RBFOX2: variants seen among roughly 807,000 people sequenced by gnomAD.
The protein encoded by RBFOX2 is RNA binding protein fox-1 homolog 2.
RBFOX2 carries 10 observed loss-of-function variants against 49.1 expected under a neutral mutation model. The observed-to-expected ratio is 0.20, with a 90% CI of 0.13 to 0.35. The LOEUF (loss-of-function observed/expected upper bound fraction) is 0.35. Among genes scored for constraint, RBFOX2 ranks in the 10% least tolerant of loss-of-function variants. RBFOX2 has a pLI of 1.00. For missense variants in RBFOX2, 323 were observed against 486.9 expected (o/e 0.66, Z 3.17); for synonymous variants, 183 against 187.4 (o/e 0.98, Z 0.19).
chr22:35,882,694 G>T (rs887845861), intron 1 of RBFOX2, among the ~76,000 whole-genome samples: 2 of 152,156 alleles, frequency 1.3e-5, no homozygotes, highest in East Asian at 3.9e-4. Context: ...ATATAGGAAT[G>T]CAAATGCTTC....
intron 9 of RBFOX2, among the ~76,000 whole-genome samples, chr22:35,757,357 G>A (rs1301836196): frequency 1.3e-5 from 2 of 152,046 alleles, no homozygotes. Context: ...AAAGGACATG[G>A]AATAGCAGTA....
At chr22:35,849,298 A>AACACACACACACACACACACACAC (rs61515031) in intron 1 of RBFOX2, among the ~76,000 whole-genome samples, 23 of 133,340 alleles carry the variant, frequency 1.7e-4, no homozygotes, top group Non-Finnish European at 2.8e-4. Flanking sequence ...TACACACACA[A>AACACACACACACACACACACACAC]ACACACACAC....
rs1002367070 is a variant in RBFOX2 at position 35,835,201 on chromosome 22, A to G, written c.27+4991T>C. On this transcript the variant is annotated intron_variant, in intron 1 of 11. Transcript: ENST00000405409. Reference sequence around the variant, plus strand: ...TTGACAGTGGTTTGGAAATGTTGAAAAAAAAGAGTGAGGAATTATGACTTC... The same window carrying G: ...TTGACAGTGGTTTGGAAATGTTGAAGAAAAAGAGTGAGGAATTATGACTTC... Among the ~76,000 whole-genome samples the G allele has an allele frequency of 2.6e-5, 4 of 152,330 alleles. No individual in the cohort carries two copies. In the South Asian group the frequency reaches 8.3e-4, roughly 32 times the overall value.
chr22:35,877,616 A>C (rs1468905922), intron 1 of RBFOX2, among the ~76,000 whole-genome samples: 1 of 152,190 alleles, frequency 6.6e-6, no homozygotes, highest in East Asian at 1.9e-4. Flanking sequence ...ACCCTCTGTG[A>C]TAGATATTAT....
intron 3 of RBFOX2, among the ~76,000 whole-genome samples, chr22:35,780,025 C>G (rs1944781319): frequency 1.3e-5 from 2 of 152,140 alleles, no homozygotes; most frequent in Non-Finnish European, 2.9e-5. Flanking sequence ...AGTAGAGAAC[C>G]TAATAACTCA....
chr22:35,978,166 C>G (rs1409155167), intron 1 of RBFOX2, among the ~76,000 whole-genome samples: 1 of 152,018 alleles, frequency 6.6e-6, no homozygotes, highest in Non-Finnish European at 1.5e-5. Flanking sequence ...AAGTTTTTCC[C>G]TACTGGAGAA....
At chr22:35,840,352 T>G in exon 1 of RBFOX2, 4 of 1,552,750 alleles carry the variant, frequency 2.6e-6, no homozygotes, top group Non-Finnish European at 1.7e-6. Flanking sequence ...TTATACCGTT[T>G]TCCTTCCTTT....
At chr22:35,772,667 T>C (rs1388154272) in intron 4 of RBFOX2, among the ~76,000 whole-genome samples, 1 of 152,136 alleles carries the variant, frequency 6.6e-6, no homozygotes, top group Non-Finnish European at 1.5e-5. Flanking sequence ...TTACCAGGTA[T>C]CTTAGCTGAC....
chr22:35,795,189 T>C (rs918490166), intron 2 of RBFOX2, among the ~76,000 whole-genome samples: 1 of 152,116 alleles, frequency 6.6e-6, no homozygotes, highest in African/African-American at 2.4e-5. Flanking sequence ...TAAGGGTAAA[T>C]TGATACAGGA....
intron 4 of RBFOX2, among the ~76,000 whole-genome samples, chr22:35,771,595 G>C (rs1256457821): frequency 6.6e-6 from 1 of 152,168 alleles, no homozygotes; most frequent in African/African-American, 2.4e-5. Flanking sequence ...TAGAATTAAA[G>C]TCCATGATTA....
At chr22:35,905,134 T>C (rs1281300357) in intron 1 of RBFOX2, among the ~76,000 whole-genome samples, 4 of 152,204 alleles carry the variant, frequency 2.6e-5, no homozygotes, top group Non-Finnish European at 5.9e-5. Flanking sequence ...GGAATATTTC[T>C]GTCCTGGTTA....
chr22:35,953,551 A>G (rs1257324354), intron 1 of RBFOX2, among the ~76,000 whole-genome samples: 3 of 152,220 alleles, frequency 2.0e-5, no homozygotes, highest in Non-Finnish European at 4.4e-5. Flanking sequence ...GTATCCATTG[A>G]GGGTGATGTA....
intron 3 of RBFOX2, 137 bp downstream of exon 4, chr22:35,781,463 G>A (rs2147131636): frequency 2.5e-6 from 3 of 1,180,278 alleles, no homozygotes; most frequent in Non-Finnish European, 3.6e-6. Flanking sequence ...TCTAAAGACT[G>A]ATGAAAAGAC....
At chr22:35,831,645 C>T (rs1032947249) in intron 1 of RBFOX2, among the ~76,000 whole-genome samples, 7 of 152,122 alleles carry the variant, frequency 4.6e-5, no homozygotes, top group African/African-American at 1.7e-4. Context: ...GCTTGCAAAG[C>T]CAAAATTGTT....
chr22:35,857,043 A>G (rs1905071253), intron 1 of RBFOX2, among the ~76,000 whole-genome samples: 1 of 152,208 alleles, frequency 6.6e-6, no homozygotes. Context: ...AAAAGGAAAA[A>G]AAGAGAAAGA....
At chr22:35,918,885 A>C (rs184545970) in intron 1 of RBFOX2, among the ~76,000 whole-genome samples, 9 of 152,310 alleles carry the variant, frequency 5.9e-5, no homozygotes, top group Non-Finnish European at 1.0e-4. Context: ...TTTTCATAGT[A>C]GTCACCTATT....
At chr22:35,938,770 GCTCT>G (rs1301864446) in intron 1 of RBFOX2, 73 bp downstream of exon 2, 1 of 1,363,920 alleles carries the variant, frequency 7.3e-7, no homozygotes, top group Non-Finnish European at 1.0e-6. Context: ...TTCAGGAAAT[GCTCT>G]CTATCATAGC....
At chr22:35,786,277 C>T (rs1946368977) in intron 2 of RBFOX2, among the ~76,000 whole-genome samples, 1 of 152,150 alleles carries the variant, frequency 6.6e-6, no homozygotes, top group African/African-American at 2.4e-5. Context: ...GTTAATTTTG[C>T]AGCTTGTAGT....
intron 1 of RBFOX2, among the ~76,000 whole-genome samples, chr22:35,846,330 T>TTGTGTGTG (rs35272106): frequency 0.014 from 1,925 of 140,436 alleles, 12 homozygotes; most frequent in Non-Finnish European, 0.02. Context: ...ATTTATATAG[T>TTGTGTGTG]TGTGTGTGTG....
Sources: gnomAD v4.1 joint callset for allele counts (sites outside exome capture counted in the v4.1 genomes callset) on GRCh38, gnomAD v4.1.1 for gene constraint, MANE v1.5 for transcripts, NCBI Gene and HGNC (gene_info 2026-07-23, HGNC 2026-07-21) for gene names.